GALK1: variants seen among roughly 807,000 people sequenced by gnomAD.
GALK1 encodes the protein galactokinase 1.
A neutral mutation model predicts 38.6 loss-of-function variants in GALK1; 30 were observed. The observed-to-expected ratio is 0.78, with a 90% confidence interval of 0.58 to 1.05. The LOEUF is 1.05. GALK1 is among the 50% of genes least tolerant of loss of function. The probability of loss-of-function intolerance (pLI) is 0.00; values close to 1 mark genes in which losing one functional copy is unlikely to be tolerated. For synonymous variants in GALK1, 240 were observed against 233.6 expected, an observed-to-expected ratio of 1.03 and a Z score of -0.25; for missense variants, 512 against 540.5, an observed-to-expected ratio of 0.95 and a Z score of 0.52.
At chr17:75,754,925 C>T (rs1389089698), downstream of GALK1, 2 of 1,541,320 alleles carry the variant, frequency 1.3e-6, no homozygotes, top group Admixed American at 3.4e-5. Context: ...CCAACATACA[C>T]ACACGCATGC....
downstream of GALK1, chr17:75,756,626 C>T (rs759790375): frequency 6.2e-7 from 1 of 1,612,662 alleles, no homozygotes; most frequent in Non-Finnish European, 8.5e-7. Flanking sequence ...AGGTGAGTTG[C>T]CTCCCCCAGC....
intron 8 of GALK1, among the ~76,000 whole-genome samples, chr17:75,752,019 T>C (rs2061377397): frequency 6.6e-6 from 1 of 152,168 alleles, no homozygotes; most frequent in Non-Finnish European, 1.5e-5. Flanking sequence ...CGCTCAGGGC[T>C]CCGCAGGCGG....
At chr17:75,763,723 A>G (rs2061598000) in intron 2 of GALK1, 174 bp downstream of exon 2, 1 of 781,640 alleles carries the variant, frequency 1.3e-6, no homozygotes, top group Non-Finnish European at 2.1e-6. Context: ...AGGTCACGGG[A>G]AACCCAGGGC....
chr17:75,758,908 G>A (rs2061571603), intron 5 of GALK1, among the ~76,000 whole-genome samples: 1 of 152,216 alleles, frequency 6.6e-6, no homozygotes. Context: ...AAGAAGTTCT[G>A]CTGAGCCACA....
downstream of GALK1, chr17:75,757,433 G>T (rs201253100): frequency 4.3e-6 from 7 of 1,613,188 alleles, no homozygotes; most frequent in East Asian, 1.3e-4. Context: ...GACCCTGGGG[G>T]CCCAGCACCT....
chr17:75,754,728 G>A, downstream of GALK1: 1 of 1,614,010 alleles, frequency 6.2e-7, no homozygotes, highest in Non-Finnish European at 8.5e-7. Flanking sequence ...CCTCACACGG[G>A]ACTACAACTC....
chr17:75,762,915 C>T (rs763404854), intron 4 of GALK1, 30 bp from the exon 5 acceptor site: 46 of 1,611,372 alleles, frequency 2.9e-5, no homozygotes, highest in Non-Finnish European at 3.7e-5. Flanking sequence ...GGGGAGATGA[C>T]GAGGCCAAGC....
At position 75,758,082 on chromosome 17, in the gene GALK1, C is replaced by T. The variant is rs777202950; in HGVS notation, c.1153G>A (p.Asp385Asn). Residue 385 changes from aspartate to asparagine, a missense_variant, in exon 8 of 8, where the codon GAT becomes AAT. Physicochemically the swap from Asp to Asn is conservative, Grantham distance 23. Coordinates refer to ENST00000588479, the MANE Select transcript of GALK1 (RefSeq NM_000154.2). ...TATFYLSQAA[D>N]GAKVLCL Reference sequence around the variant, plus strand: ...CACAAGCACAGCACCTTGGCTCCATCGGCTGCTTGAGAGAGGTAGAAGGTG... The same window carrying T: ...CACAAGCACAGCACCTTGGCTCCATTGGCTGCTTGAGAGAGGTAGAAGGTG... The T allele has an allele frequency of 3.3e-5, 54 of 1,612,366 alleles. No homozygotes were observed. Among genetic ancestry groups the T allele is most frequent in the African/African-American group, 2.0e-4 (15 of 74,920 alleles).
chr17:75,764,599 G>A (rs1342347197), intron 1 of GALK1: 3 of 453,638 alleles, frequency 6.6e-6, no homozygotes, highest in Non-Finnish European at 1.3e-5. Flanking sequence ...AGAAGGCTAC[G>A]TTCGCCCAGG....
Position 75,764,029 on chromosome 17 carries a change from G to A in GALK1, c.223C>T (p.Leu75Phe), listed in dbSNP as rs1177175130. 6.2e-7 allele frequency: 1 copy of A among 1,605,662 alleles called. No individual in the cohort carries two copies. Among genetic ancestry groups the A allele is most frequent in the Non-Finnish European group, 8.5e-7 (1 of 1,177,352 alleles). The change falls in exon 2 of 8, where the codon CTC becomes TTC. Residue 75 changes from leucine to phenylalanine, a missense_variant. Physicochemically the swap from Leu to Phe is conservative, Grantham distance 22. Transcript: ENST00000588479. Reference protein sequence around the residue: ...GSPRKDGLVSLLTTSEGADEP... With the variant: ...GSPRKDGLVSFLTTSEGADEP... ...TCGGCACCCTCAGAGGTGGTGAGGA[G>A]AGACACCAGCCCATCCTTGCGGGGG...
chr17:75,755,108 C>G, downstream of GALK1: 1 of 1,607,136 alleles, frequency 6.2e-7, no homozygotes, highest in Non-Finnish European at 8.5e-7. Flanking sequence ...GTCCTGGGCC[C>G]TGGGGTCCCG....
At chr17:75,762,021 C>CA (rs34797502) in intron 5 of GALK1, among the ~76,000 whole-genome samples, 2,941 of 145,726 alleles carry the variant, frequency 0.02, 32 homozygotes, top group East Asian at 0.027. Context: ...ACTCTGTGTC[C>CA]AAAAAAAAAA....
downstream of GALK1, chr17:75,756,908 G>A (rs56149979): frequency 3.2e-4 from 520 of 1,612,168 alleles, 4 homozygotes; most frequent in East Asian, 0.011. Context: ...GGTAAAGAGG[G>A]GGCCGCAGAC....
chr17:75,755,741 C>T (rs754798262), downstream of GALK1: 1 of 1,612,940 alleles, frequency 6.2e-7, no homozygotes, highest in Non-Finnish European at 8.5e-7. Context: ...CGCCCACCCG[C>T]CTGGTGTTCT....
At chr17:75,762,160 A>G (rs72860361) in intron 5 of GALK1, among the ~76,000 whole-genome samples, 17,036 of 152,220 alleles carry the variant, frequency 0.11, 1,148 homozygotes, top group Non-Finnish European at 0.15. Context: ...CGTCTTTACA[A>G]AGATAAAAAT....
intron 8 of GALK1, chr17:75,752,277 G>A: frequency 1.2e-6 from 2 of 1,613,430 alleles, no homozygotes; most frequent in South Asian, 1.1e-5. Flanking sequence ...ACACGGTGAA[G>A]GCGCGCAACG....
rs1334676434 is a variant in GALK1 at position 75,763,364 on chromosome 17, G to T, written c.431C>A (p.Ser144Tyr). Residue 144 changes from serine to tyrosine, a missense_variant, in exon 3 of 8, where the codon TCC (serine) becomes TAC (tyrosine). By Grantham distance (144) the Ser-to-Tyr change is moderately radical. Coordinates refer to ENST00000588479, the MANE Select transcript of GALK1 (RefSeq NM_000154.2). ...GAAGGTGTACGTGGCCACTTCCAAG[G>T]ATGCTGAGCTGGACAGGCCACCCCC... is the stretch of plus-strand genomic sequence containing the variant. ...PLGGGLSSSA[S>Y]LEVATYTFLQ... 6.2e-7 allele frequency: 1 copy of T among 1,613,920 alleles called. No homozygotes were observed. The highest frequency in any genetic ancestry group is 8.5e-7 in the Non-Finnish European group (1 of 1,179,966).
downstream of GALK1, chr17:75,757,153 G>GC: frequency 1.2e-6 from 2 of 1,612,620 alleles, no homozygotes; most frequent in Non-Finnish European, 1.7e-6. Flanking sequence ...CTCGGGCCGT[G>GC]CCTCCTTCTG....
At chr17:75,754,821 T>C, downstream of GALK1, 1 of 1,613,844 alleles carries the variant, frequency 6.2e-7, no homozygotes, top group Non-Finnish European at 8.5e-7. Context: ...CCACGGTGAG[T>C]GACCTCAGCC....
Sources: allele counts gnomAD v4.1 joint callset (sites outside exome capture counted in the v4.1 genomes callset), GRCh38; gene constraint gnomAD v4.1.1; transcripts MANE v1.5; gene names NCBI Gene and HGNC (gene_info 2026-07-23, HGNC 2026-07-21).